Variants in LRP1B observed in about 807,000 individuals in gnomAD.
LRP1B encodes LDL receptor related protein 1B.
Under a neutral mutation model 556.6 loss-of-function variants are expected in LRP1B, and 217 were observed. The ratio of observed to expected loss-of-function variants is 0.39; its 90% CI spans 0.35 to 0.44. The LOEUF is 0.44. Ranked by LOEUF, LRP1B falls within the 20% of genes least tolerant of loss-of-function variation. The pLI is 1.00. For missense variants in LRP1B, 5,053 were observed against 5,620.8 expected, an observed-to-expected ratio of 0.90 and a Z score of 3.23; for synonymous variants, 2,047 against 1,865.8, an observed-to-expected ratio of 1.10 and a Z score of -2.50.
At chr2:140,757,576 G>T (rs1688779435) in intron 35 of LRP1B, among the ~76,000 whole-genome samples, 2 of 152,168 alleles carry the variant, frequency 1.3e-5, no homozygotes, top group South Asian at 2.1e-4. Flanking sequence ...TCCACAGTAG[G>T]CTAGTCTGTA....
At chr2:141,292,525 G>A (rs1419723781) in intron 3 of LRP1B, among the ~76,000 whole-genome samples, 1 of 152,156 alleles carries the variant, frequency 6.6e-6, no homozygotes, top group Non-Finnish European at 1.5e-5. Context: ...CTTTACAGGA[G>A]AGGAACTTGA....
intron 33 of LRP1B, among the ~76,000 whole-genome samples, chr2:140,772,473 A>G (rs1278882891): frequency 6.6e-6 from 1 of 151,732 alleles, no homozygotes; most frequent in Non-Finnish European, 1.5e-5. Flanking sequence ...CCATGTCTGG[A>G]TAATTTTTGT....
At chr2:141,100,725 G>A (rs1231402141) in intron 7 of LRP1B, among the ~76,000 whole-genome samples, 2 of 152,106 alleles carry the variant, frequency 1.3e-5, no homozygotes, top group South Asian at 2.1e-4. Flanking sequence ...TTGGAATAGT[G>A]TGGAGCATGG....
intron 2 of LRP1B, among the ~76,000 whole-genome samples, chr2:141,614,642 G>A (rs918945099): frequency 3.4e-4 from 52 of 151,660 alleles, no homozygotes; most frequent in African/African-American, 1.2e-3. Flanking sequence ...TGTGTAGACC[G>A]GGACAGAAAT....
At chr2:140,919,887 A>C (rs531535241) in intron 21 of LRP1B, among the ~76,000 whole-genome samples, 1 of 152,258 alleles carries the variant, frequency 6.6e-6, no homozygotes, top group East Asian at 1.9e-4. Flanking sequence ...GCGTGAATAC[A>C]CAACCATTTA....
chr2:140,485,602 A>T, intron 58 of LRP1B, 78 bp from the exon 59 acceptor site: 1 of 996,322 alleles, frequency 1.0e-6, no homozygotes, highest in South Asian at 1.7e-5. Context: ...TGATTTTTAC[A>T]GAGATATAGA....
intron 35 of LRP1B, among the ~76,000 whole-genome samples, chr2:140,728,877 A>T (rs1249251837): frequency 6.6e-6 from 1 of 152,110 alleles, no homozygotes; most frequent in East Asian, 1.9e-4. Context: ...AATAAAATGG[A>T]AGTAATAGAA....
chr2:141,692,356 A>G (rs529535080), intron 2 of LRP1B, among the ~76,000 whole-genome samples: 88 of 152,104 alleles, frequency 5.8e-4, no homozygotes, highest in Middle Eastern at 3.4e-3. Context: ...ACGCTAAACT[A>G]CTGTGAATTC....
At chr2:141,495,499 G>T (rs146644861) in intron 2 of LRP1B, among the ~76,000 whole-genome samples, 1 of 152,082 alleles carries the variant, frequency 6.6e-6, no homozygotes, top group Non-Finnish European at 1.5e-5. Flanking sequence ...TTCATAACAT[G>T]ACTCTTGAAA....
intron 60 of LRP1B, among the ~76,000 whole-genome samples, chr2:140,466,029 C>T (rs916216046): frequency 6.6e-5 from 10 of 150,508 alleles, no homozygotes; most frequent in African/African-American, 2.2e-4. Context: ...TACTAAAATG[C>T]AATATCTTAC....
intron 3 of LRP1B, among the ~76,000 whole-genome samples, chr2:141,372,929 T>C (rs1423981452): frequency 6.6e-6 from 1 of 152,120 alleles, no homozygotes; most frequent in Admixed American, 6.5e-5. Flanking sequence ...CGTTCTTGTT[T>C]TTTCCAGTTA....
intron 2 of LRP1B, among the ~76,000 whole-genome samples, chr2:141,544,348 TC>T (rs1351759902): frequency 8.0e-3 from 748 of 93,952 alleles, no homozygotes; most frequent in South Asian, 0.02. Context: ...TTCTTCTTCT[TC>T]TTCTTCTTCT....
At position 141,289,729 on chromosome 2, in the gene LRP1B, C is replaced by T. The variant is rs539180916; in HGVS notation, c.344-35088G>A. The stretch of plus-strand genomic sequence containing the variant: ...AGATTCTAAAAGAAGCTTTAAAATA[C>T]GCAAAGATGGGATAGGAAAACACGA... On this transcript the variant is annotated intron_variant, in intron 3 of 90. Coordinates refer to ENST00000389484, the MANE Select transcript of LRP1B (RefSeq NM_018557.3). Among the ~76,000 whole-genome samples, 30 of 152,066 alleles carry T rather than the reference C, an allele frequency of 2.0e-4. No individual in the cohort carries two copies. In the South Asian group the frequency reaches 5.4e-3, roughly 27 times the overall value.
chr2:141,922,739 G>T (rs181715059), intron 1 of LRP1B, among the ~76,000 whole-genome samples: 1 of 152,146 alleles, frequency 6.6e-6, no homozygotes, highest in East Asian at 1.9e-4. Context: ...TGAGTCTAGA[G>T]TCACACATAT....
intron 2 of LRP1B, among the ~76,000 whole-genome samples, chr2:141,609,690 C>G (rs1023251773): frequency 1.1e-4 from 16 of 152,164 alleles, no homozygotes; most frequent in African/African-American, 3.4e-4. Flanking sequence ...GTGCTTTTGT[C>G]AGCTAACGCT....
rs575200039 is a variant in LRP1B, at chr2:140,910,817, A to T, written c.3320-2740T>A. Among the ~76,000 whole-genome samples the T allele has an allele frequency of 9.2e-5, 14 of 152,024 alleles. 1 individual carries two copies. Among genetic ancestry groups the T allele is most frequent in the Middle Eastern group, 6.8e-3 (2 of 294 alleles). On this transcript the variant is annotated intron_variant, in intron 21 of 90. Coordinates refer to ENST00000389484, the MANE Select transcript of LRP1B (RefSeq NM_018557.3). ...AACTAGATTTGACAATAATGTAAGA[A>T]ACAGCACAAATGTTGAAAATTGTGA...
chr2:140,679,898 T>C (rs1246838431), intron 41 of LRP1B, among the ~76,000 whole-genome samples: 1 of 151,904 alleles, frequency 6.6e-6, no homozygotes, highest in East Asian at 1.9e-4. Context: ...TTTTATGAGG[T>C]TTGTTTATTT....
intron 1 of LRP1B, among the ~76,000 whole-genome samples, chr2:142,071,119 G>T (rs931859565): frequency 6.6e-6 from 1 of 151,780 alleles, no homozygotes; most frequent in African/African-American, 2.4e-5. Context: ...TAGAGGATGG[G>T]AAGGGATGAC....
At chr2:141,483,468 G>GTATA (rs1305297243) in intron 2 of LRP1B, among the ~76,000 whole-genome samples, 1 of 114,772 alleles carries the variant, frequency 8.7e-6, no homozygotes, top group Non-Finnish European at 2.0e-5. Context: ...AATCCTTTGG[G>GTATA]TATATAGCCA....
Sources: allele counts gnomAD v4.1 joint callset (sites outside exome capture counted in the v4.1 genomes callset), GRCh38; gene constraint gnomAD v4.1.1; transcripts MANE v1.5; gene names NCBI Gene and HGNC (gene_info 2026-07-23, HGNC 2026-07-21).